The following SGF29 variants were observed in gnomAD, a reference collection of about 807,000 sequenced individuals.
SGF29 encodes SAGA-associated factor 29.
A neutral mutation model predicts 38.1 loss-of-function variants in SGF29; 15 were observed. The observed-to-expected ratio is 0.39, with a 90% CI of 0.26 to 0.61. The LOEUF (loss-of-function observed/expected upper bound fraction) is 0.61. SGF29 is among the 20% of genes least tolerant of loss of function. The pLI is 0.49. For synonymous variants in SGF29, 151 were observed against 160.8 expected, an observed-to-expected ratio of 0.94 and a Z score of 0.46; for missense variants, 184 against 394.6, an observed-to-expected ratio of 0.47 and a Z score of 4.52.
intron 1 of SGF29, among the ~76,000 whole-genome samples, chr16:28,570,438 A>G (rs1276710528): frequency 6.6e-6 from 1 of 152,182 alleles, no homozygotes; most frequent in African/African-American, 2.4e-5. Flanking sequence ...TTACAAGCAC[A>G]TAACACGTTT....
chr16:28,567,643 C>T (rs921827218), intron 1 of SGF29, among the ~76,000 whole-genome samples: 1 of 152,102 alleles, frequency 6.6e-6, no homozygotes, highest in Non-Finnish European at 1.5e-5. Flanking sequence ...GGTAAGGGCA[C>T]AGGAGGAGAG....
intron 1 of SGF29, among the ~76,000 whole-genome samples, chr16:28,569,033 A>C (rs1206563020): frequency 2.0e-5 from 3 of 152,010 alleles, no homozygotes; most frequent in Admixed American, 2.0e-4. Context: ...GTTTGCAGTG[A>C]GCCGAGATCA....
intron 2 of SGF29, among the ~76,000 whole-genome samples, chr16:28,583,336 T>C (rs2046937308): frequency 6.6e-6 from 1 of 152,266 alleles, no homozygotes; most frequent in South Asian, 2.1e-4. Flanking sequence ...CTTTGGCCAC[T>C]GTACCTGGTC....
rs1448987844 is a variant in SGF29, at chr16:28,584,831, G to A, written c.76-82G>A. ...AAGAAAATGAGGGCCGTATTTTGGG[G>A]ATGGGGACTCTGGCCTGGCTGGCAG... is the stretch of plus-strand genomic sequence containing the variant. On this transcript the variant is annotated intron_variant, in intron 2 of 9. Transcript: ENST00000317058. 7 of 899,624 alleles carry A rather than the reference G, an allele frequency of 7.8e-6. No individual in the cohort carries two copies. In the East Asian group the frequency reaches 1.8e-4, roughly 23 times the overall value. The allele number at this position is 899,624 out of a possible 1,614,324, so 55.7% of individuals were successfully genotyped here.
intron 1 of SGF29, among the ~76,000 whole-genome samples, chr16:28,558,532 T>C (rs565086976): frequency 6.6e-6 from 1 of 152,184 alleles, no homozygotes; most frequent in Non-Finnish European, 1.5e-5. Flanking sequence ...GTGTTGGGAT[T>C]ACAGGCATGA....
chr16:28,573,627 C>A (rs551963815), intron 1 of SGF29, among the ~76,000 whole-genome samples: 1 of 152,144 alleles, frequency 6.6e-6, no homozygotes, highest in South Asian at 2.1e-4. Context: ...AGAAAGGATT[C>A]GCTGACAGTC....
At chr16:28,589,934 G>A (rs866167642) in intron 5 of SGF29, among the ~76,000 whole-genome samples, 162 bp from the exon 6 acceptor site, 17 of 152,274 alleles carry the variant, frequency 1.1e-4, no homozygotes, top group African/African-American at 3.8e-4. Context: ...AGCCCCTATA[G>A]GTGCTGACAC....
At chr16:28,582,930 C>T (rs1015750591) in intron 2 of SGF29, among the ~76,000 whole-genome samples, 3 of 152,020 alleles carry the variant, frequency 2.0e-5, no homozygotes, top group Non-Finnish European at 4.4e-5. Flanking sequence ...AGCGAAACTC[C>T]GTCTCAAAAA....
At chr16:28,589,297 T>A in intron 5 of SGF29, 133 bp downstream of exon 5, 1 of 849,384 alleles carries the variant, frequency 1.2e-6, no homozygotes, top group Admixed American at 2.2e-5. Context: ...TCTGGCAGAC[T>A]GGCTCTACCA....
chr16:28,561,114 A>G (rs900425399), intron 1 of SGF29, among the ~76,000 whole-genome samples: 4 of 152,156 alleles, frequency 2.6e-5, no homozygotes, highest in Non-Finnish European at 5.9e-5. Context: ...TCGTCAGGCC[A>G]GGTGTGGTGG....
Position 28,590,633 on chromosome 16 carries a change from A to T in SGF29, c.569A>T (p.Tyr190Phe), listed in dbSNP as rs2291938. ...CCTTTTCCTCCTTTTGTCTGCAGGT[A>T]TGAGGTAGATGACATCGATGAAGAA... ...VVSYSHATNK[Y>F]EVDDIDEEGK... is the part of the protein sequence containing the mutation. Residue 190 changes from tyrosine to phenylalanine, a missense_variant and splice_region_variant, in exon 8 of 10, where the codon TAT becomes TTT. By Grantham distance (22) the Tyr-to-Phe change is conservative. Around this residue, in one of 2 missense-constraint regions of SGF29, gnomAD observed 107 missense variants for 276.9 expected, o/e 0.39. Coordinates refer to ENST00000317058, the MANE Select transcript of SGF29 (RefSeq NM_138414.3). The surrounding 1 kb of genome is among the most constrained non-coding windows in gnomAD (Gnocchi z 8.2). 2 of 1,613,752 alleles carry T rather than the reference A, an allele frequency of 1.2e-6. No individual in the cohort carries two copies. The highest frequency in any genetic ancestry group is 3.3e-5 in the Admixed American group (2 of 60,024).
chr16:28,585,102 A>T, intron 3 of SGF29, 114 bp downstream of exon 3: 4 of 767,586 alleles, frequency 5.2e-6, no homozygotes, highest in Non-Finnish European at 8.6e-6. Flanking sequence ...GTATCTGCAT[A>T]TTCCAAAATG....
intron 1 of SGF29, among the ~76,000 whole-genome samples, chr16:28,576,725 C>T (rs1436756790): frequency 2.0e-5 from 3 of 152,030 alleles, no homozygotes; most frequent in South Asian, 4.1e-4. Flanking sequence ...AGAAAACGTG[C>T]CCACACAAAA....
At chr16:28,577,038 G>T (rs940647189) in intron 1 of SGF29, among the ~76,000 whole-genome samples, 1 of 152,118 alleles carries the variant, frequency 6.6e-6, no homozygotes. Context: ...GCCGGGCGTG[G>T]TGGTGGGCGC....
chr16:28,581,024 GA>G, intron 1 of SGF29, 30 bp from the exon 2 acceptor site: 1 of 1,527,026 alleles, frequency 6.5e-7, no homozygotes, highest in Non-Finnish European at 9.1e-7. Context: ...GCCACTAACA[GA>G]GTTCTCTTCT....
chr16:28,567,271 A>C (rs1225324828), intron 1 of SGF29, among the ~76,000 whole-genome samples: 1 of 152,172 alleles, frequency 6.6e-6, no homozygotes, highest in Non-Finnish European at 1.5e-5. Flanking sequence ...TGCTGTAACA[A>C]AATACCTTAG....
intron 1 of SGF29, among the ~76,000 whole-genome samples, chr16:28,564,737 G>A (rs2650365): frequency 0.11 from 1,219 of 11,222 alleles, 24 homozygotes; most frequent in African/African-American, 0.15. Context: ...ACATATATAT[G>A]TATATATGTA....
intron 4 of SGF29, among the ~76,000 whole-genome samples, chr16:28,587,021 A>AT (rs1432859428): frequency 6.6e-6 from 1 of 151,852 alleles, no homozygotes; most frequent in Non-Finnish European, 1.5e-5. Flanking sequence ...TAATTTTTGT[A>AT]TTTTTTGTAG....
intron 2 of SGF29, among the ~76,000 whole-genome samples, chr16:28,583,390 C>CG (rs2046937836): frequency 6.6e-6 from 1 of 152,160 alleles, no homozygotes; most frequent in African/African-American, 2.4e-5. Context: ...GTATCCCCCC[C>CG]CAACCCCAAT....
Sources: gnomAD v4.1 joint callset for allele counts (sites outside exome capture counted in the v4.1 genomes callset) on GRCh38, gnomAD v4.1.1 for gene constraint, gnomAD v4.1.1 regional missense constraint, Gnocchi (gnomAD v3.1) non-coding constraint, MANE v1.5 for transcripts, NCBI Gene and HGNC (gene_info 2026-07-23, HGNC 2026-07-21) for gene names.